EXD3: variants seen among roughly 807,000 people sequenced by gnomAD.
EXD3 encodes the protein exonuclease 3'-5' domain containing 3, also known as exonuclease mut-7 homolog.
EXD3 carries 92 observed loss-of-function variants against 98.0 expected under a neutral mutation model. The ratio of observed to expected loss-of-function variants is 0.94; its 90% CI spans 0.79 to 1.12. The LOEUF (loss-of-function observed/expected upper bound fraction) is 1.12. EXD3 is among the 50% of genes most tolerant of loss of function. EXD3 has a pLI of 0.00. For missense variants in EXD3, 1,222 were observed against 1,191.6 expected (o/e 1.03, Z -0.38); for synonymous variants, 569 against 526.0 (o/e 1.08, Z -1.12).
rs144414520 is a variant in EXD3 at position 137,409,074 on chromosome 9, C to G, written c.-47-13670G>C. Among the ~76,000 whole-genome samples the G allele has an allele frequency of 1.4e-3, 206 of 152,362 alleles. 1 individual carries two copies. In the East Asian group the frequency reaches 0.034, roughly 25 times the overall value. Reference sequence around the variant, plus strand: ...ATTCCATCACCATGCTGCGGCGTTTCAAGGTGGGGCCTTGGGACGTGCCCG... The same window carrying G: ...ATTCCATCACCATGCTGCGGCGTTTGAAGGTGGGGCCTTGGGACGTGCCCG... On this transcript the variant is annotated intron_variant, in intron 1 of 21. Coordinates refer to ENST00000340951, the MANE Select transcript of EXD3 (RefSeq NM_017820.5).
rs969071089 is a variant in EXD3, at chr9:137,393,954, C to A, written c.55+1349G>T. ...GGATGTGAAGGGGCCCCGGCACCCC[C>A]TTCTCACCCTCTGCCCACAAAGCCA... On this transcript the variant is annotated intron_variant, in intron 2 of 21. Coordinates refer to ENST00000340951, the MANE Select transcript of EXD3 (RefSeq NM_017820.5). The surrounding 1 kb of genome is among the most constrained non-coding windows in gnomAD (Gnocchi z 4.6). 1.3e-5 allele frequency among the ~76,000 whole-genome samples: 2 copies of A among 152,154 alleles called. No individual in the cohort carries two copies. The highest frequency in any genetic ancestry group is 2.9e-5 in the Non-Finnish European group (2 of 68,002).
intron 3 of EXD3, 143 bp downstream of exon 3, chr9:137,383,170 G>A (rs1246364079): frequency 1.1e-5 from 7 of 660,354 alleles, no homozygotes; most frequent in Non-Finnish European, 1.8e-5. Flanking sequence ...AGGCGGTCTG[G>A]GGCAGCAGCT....
At chr9:137,314,158 A>G (rs576386854) in intron 19 of EXD3, among the ~76,000 whole-genome samples, 290 of 152,284 alleles carry the variant, frequency 1.9e-3, no homozygotes, top group Non-Finnish European at 2.6e-3. Flanking sequence ...CCAGCGGCCC[A>G]GGAAGAAGCA....
In EXD3 at chr9:137,355,531, GGAA is replaced by G. The variant is rs1235284815; in HGVS notation, c.757+734_757+736del. Among the ~76,000 whole-genome samples, 42 of 137,442 alleles carry G rather than the reference GGAA, an allele frequency of 3.1e-4. 1 individual carries two copies. Among genetic ancestry groups the G allele is most frequent in the Non-Finnish European group, 4.9e-4 (31 of 63,752 alleles). 90.2% of individuals were successfully genotyped at this position (137,442 alleles called of 152,430 possible). On this transcript the variant is annotated intron_variant, in intron 8 of 21. Transcript: ENST00000340951. ...AGGAGGAAGGAGGAAGGAGGATGGA[GGAA>G]GGAGGAAGGAGGAAGGAGGAAGGAG... is the stretch of plus-strand genomic sequence containing the variant.
At chr9:137,410,708 G>GC (rs35452861) in intron 1 of EXD3, among the ~76,000 whole-genome samples, 1 of 152,122 alleles carries the variant, frequency 6.6e-6, no homozygotes, top group Non-Finnish European at 1.5e-5. Flanking sequence ...CAACGAGGAA[G>GC]CCCCCCTGGG....
At chr9:137,368,627 C>T (rs896551744) in intron 5 of EXD3, among the ~76,000 whole-genome samples, 2 of 152,248 alleles carry the variant, frequency 1.3e-5, no homozygotes, top group Non-Finnish European at 2.9e-5. Flanking sequence ...AAATGACCCA[C>T]GAGAGCAGCC....
At chr9:137,378,897 T>G (rs1234317592) in intron 3 of EXD3, among the ~76,000 whole-genome samples, 1,420 of 133,952 alleles carry the variant, frequency 0.011, 27 homozygotes, top group African/African-American at 0.038. Flanking sequence ...CGGTGACCGT[T>G]GCCTGGGGCC....
chr9:137,374,518 C>T, intron 3 of EXD3: 1 of 979,774 alleles, frequency 1.0e-6, no homozygotes, highest in Middle Eastern at 5.3e-4. Context: ...AAAGCACTTG[C>T]TCCGGCGATT....
chr9:137,374,621 TGAG>T (rs1010507516), intron 3 of EXD3: 2 of 985,354 alleles, frequency 2.0e-6, no homozygotes, highest in African/African-American at 3.5e-5. Context: ...CATGAGTGTG[TGAG>T]GAGACCTCAG....
chr9:137,314,452 G>A (rs752195986), intron 19 of EXD3, among the ~76,000 whole-genome samples: 3 of 152,166 alleles, frequency 2.0e-5, no homozygotes, highest in Middle Eastern at 3.2e-3. Context: ...GATAGCGGCC[G>A]TCTTTTGGGA....
At chr9:137,406,313 G>A (rs898731409) in intron 1 of EXD3, among the ~76,000 whole-genome samples, 11 of 149,462 alleles carry the variant, frequency 7.4e-5, no homozygotes, top group Non-Finnish European at 1.6e-4. Context: ...AAAAAGAAAA[G>A]AAAAAGAAAA....
At chr9:137,308,152 G>A (rs1831147814) in intron 20 of EXD3, among the ~76,000 whole-genome samples, 1 of 152,168 alleles carries the variant, frequency 6.6e-6, no homozygotes, top group Non-Finnish European at 1.5e-5. Context: ...AGGGCAGGCA[G>A]GGCCGGTATC....
At chr9:137,313,043 C>T (rs924036291) in intron 19 of EXD3, among the ~76,000 whole-genome samples, 1 of 152,196 alleles carries the variant, frequency 6.6e-6, no homozygotes, top group Non-Finnish European at 1.5e-5. Flanking sequence ...GGACTGGACG[C>T]TCCCAGGCAG....
intron 1 of EXD3, among the ~76,000 whole-genome samples, chr9:137,404,787 G>T (rs1837639082): frequency 6.6e-6 from 1 of 151,980 alleles, no homozygotes; most frequent in South Asian, 2.1e-4. Context: ...TTGAACCCGG[G>T]AGGCAGAGGT....
At chr9:137,406,968 C>A (rs2131811667) in intron 1 of EXD3, among the ~76,000 whole-genome samples, 1 of 152,220 alleles carries the variant, frequency 6.6e-6, no homozygotes, top group African/African-American at 2.4e-5. Context: ...GCCAACACTG[C>A]CTCCCAGCGT....
chr9:137,394,579 C>T (rs892620280), intron 2 of EXD3, among the ~76,000 whole-genome samples: 4 of 152,150 alleles, frequency 2.6e-5, no homozygotes, highest in South Asian at 2.1e-4. Flanking sequence ...TTCCAGCCTC[C>T]GCTTCCCTAA....
intron 17 of EXD3, among the ~76,000 whole-genome samples, chr9:137,342,980 C>T (rs191194260): frequency 4.6e-5 from 7 of 152,232 alleles, no homozygotes; most frequent in Admixed American, 3.9e-4. Context: ...ATTAGCCGGG[C>T]GTGGTGGTGG....
intron 1 of EXD3, among the ~76,000 whole-genome samples, chr9:137,418,338 G>C (rs550773911): frequency 6.6e-6 from 1 of 152,206 alleles, no homozygotes; most frequent in South Asian, 2.1e-4. Flanking sequence ...CGACAAGAGC[G>C]AGACTCTGTC....
intron 8 of EXD3, among the ~76,000 whole-genome samples, chr9:137,355,670 AGGGAGGAT>A (rs1834709104): frequency 7.0e-4 from 15 of 21,462 alleles, no homozygotes; most frequent in Admixed American, 1.2e-3. Flanking sequence ...GGAAGGAGAA[AGGGAGGAT>A]GGAGGAAGGA....
Sources: allele counts gnomAD v4.1 joint callset (sites outside exome capture counted in the v4.1 genomes callset), GRCh38; gene constraint gnomAD v4.1.1; non-coding constraint Gnocchi (gnomAD v3.1); transcripts MANE v1.5; gene names NCBI Gene and HGNC (gene_info 2026-07-23, HGNC 2026-07-21).